FARS2: variants seen among roughly 807,000 people sequenced by gnomAD.
FARS2 encodes the protein phenylalanine--tRNA ligase, mitochondrial.
A neutral mutation model predicts 46.4 loss-of-function variants in FARS2; 40 were observed. The ratio of observed to expected loss-of-function variants is 0.86; its 90% CI spans 0.67 to 1.12. The LOEUF (loss-of-function observed/expected upper bound fraction) is 1.12. Ranked by LOEUF, FARS2 falls within the 50% of genes most tolerant of loss-of-function variation. The pLI is 0.00. For synonymous variants in FARS2, 234 were observed against 214.9 expected (o/e 1.09, Z -0.78); for missense variants, 513 against 567.9 (o/e 0.90, Z 0.98).
intron 6 of FARS2, among the ~76,000 whole-genome samples, chr6:5,614,575 A>G (rs1194408162): frequency 1.3e-5 from 2 of 151,974 alleles, no homozygotes; most frequent in African/African-American, 2.4e-5. Context: ...GCCCCCGGCT[A>G]ATTTTTTTGT....
chr6:5,391,820 A>T (rs764853857), intron 2 of FARS2, among the ~76,000 whole-genome samples: 2 of 152,190 alleles, frequency 1.3e-5, no homozygotes, highest in African/African-American at 4.8e-5. Flanking sequence ...TGGCTTTTGC[A>T]ATCTACTTTT....
At chr6:5,300,443 G>A (rs1768217869) in intron 1 of FARS2, among the ~76,000 whole-genome samples, 1 of 152,126 alleles carries the variant, frequency 6.6e-6, no homozygotes, top group Non-Finnish European at 1.5e-5. Context: ...TCAAAGAGAA[G>A]CACATTTGGG....
chr6:5,723,192 G>A (rs955495769), intron 6 of FARS2, among the ~76,000 whole-genome samples: 12 of 152,272 alleles, frequency 7.9e-5, no homozygotes, highest in African/African-American at 2.9e-4. Context: ...CGAGTGTGTC[G>A]GGAGCCGTGG....
chr6:5,290,779 G>A (rs186035845), intron 1 of FARS2, among the ~76,000 whole-genome samples: 20 of 152,318 alleles, frequency 1.3e-4, no homozygotes, highest in Non-Finnish European at 2.6e-4. Context: ...GGAGTGCAGT[G>A]GCACAATCAT....
intron 6 of FARS2, among the ~76,000 whole-genome samples, chr6:5,672,539 A>C (rs1778531834): frequency 6.6e-6 from 1 of 152,206 alleles, no homozygotes; most frequent in African/African-American, 2.4e-5. Flanking sequence ...TGGGTTACAT[A>C]ACTTCAGGGG....
intron 4 of FARS2, among the ~76,000 whole-genome samples, chr6:5,540,955 G>A (rs1444942225): frequency 6.6e-6 from 1 of 152,158 alleles, no homozygotes; most frequent in Non-Finnish European, 1.5e-5. Context: ...GGTGGGCCCA[G>A]CACCAGGTGT....
chr6:5,274,017 T>C (rs1766153364), intron 1 of FARS2, among the ~76,000 whole-genome samples: 1 of 152,238 alleles, frequency 6.6e-6, no homozygotes, highest in Non-Finnish European at 1.5e-5. Context: ...CTCTACCTAA[T>C]TTATAAATTA....
At chr6:5,369,367 T>G (rs1340836408) in intron 2 of FARS2, among the ~76,000 whole-genome samples, 185 bp downstream of exon 2, 1 of 152,134 alleles carries the variant, frequency 6.6e-6, no homozygotes, top group Non-Finnish European at 1.5e-5. Flanking sequence ...ACCGCTTTGT[T>G]GTGTTAGTAA....
intron 6 of FARS2, among the ~76,000 whole-genome samples, chr6:5,623,708 T>G (rs1775888000): frequency 7.4e-6 from 1 of 134,482 alleles, no homozygotes; most frequent in African/African-American, 3.0e-5. Flanking sequence ...CGAGACTGTG[T>G]CTCAAAAAAA....
rs947488476 is a variant in FARS2, at chr6:5,311,708, A to T, written c.-22+50048A>T. On this transcript the variant is annotated intron_variant, in intron 1 of 6. Coordinates refer to ENST00000274680, the MANE Select transcript of FARS2 (RefSeq NM_006567.5). This position sits in a 1 kb window ranked among gnomAD's most constrained non-coding sequence, Gnocchi z 4.1. ...GACCTGGGTGTCTTATTTAGCTAAG[A>T]CTAGGACCATGTGCTCTTTTTTTTG... Among the ~76,000 whole-genome samples, 2 of 152,158 alleles carry T rather than the reference A, an allele frequency of 1.3e-5. No homozygotes were observed. Among genetic ancestry groups the T allele is most frequent in the African/African-American group, 4.8e-5 (2 of 41,436 alleles).
Position 5,613,200 on chromosome 6 carries a change from A to G in FARS2, c.1097A>G (p.Asp366Gly). Residue 366 changes from aspartate to glycine, a missense_variant, in exon 6 of 7, where the codon GAT becomes GGT. Transcript: ENST00000274680. ...PLSKYPAVINDISFWLPSENY... is the reference protein window; with the variant it reads ...PLSKYPAVINGISFWLPSENY... ...AGCAAATATCCGGCTGTGATCAATG[A>G]TATTTCATTCTGGTTGCCCTCTGAG... 3.1e-6 allele frequency: 5 copies of G among 1,613,400 alleles called. No individual in the cohort carries two copies. Among genetic ancestry groups the G allele is most frequent in the Non-Finnish European group, 2.5e-6 (3 of 1,179,668 alleles).
intron 2 of FARS2, among the ~76,000 whole-genome samples, chr6:5,386,835 C>T (rs1760164386): frequency 6.6e-6 from 1 of 152,072 alleles, no homozygotes; most frequent in Non-Finnish European, 1.5e-5. Context: ...GCCCCCTTGG[C>T]AGGTGCATCT....
At chr6:5,752,334 G>A (rs1387999819) in intron 6 of FARS2, among the ~76,000 whole-genome samples, 4 of 152,302 alleles carry the variant, frequency 2.6e-5, no homozygotes, top group Admixed American at 1.3e-4. Flanking sequence ...AATCCACAAT[G>A]TGTCTTTGCA....
At chr6:5,754,162 C>G (rs1762090286) in intron 6 of FARS2, among the ~76,000 whole-genome samples, 1 of 152,212 alleles carries the variant, frequency 6.6e-6, no homozygotes, top group Non-Finnish European at 1.5e-5. Context: ...ATCTATCTGA[C>G]TTAAAGGTGA....
intron 6 of FARS2, among the ~76,000 whole-genome samples, chr6:5,693,430 G>A (rs1249671399): frequency 6.6e-6 from 1 of 152,220 alleles, no homozygotes; most frequent in Admixed American, 6.5e-5. Context: ...CCAAAGCGTG[G>A]CTGCTGAGCA....
intron 1 of FARS2, among the ~76,000 whole-genome samples, chr6:5,362,207 A>G (rs1270004397): frequency 6.6e-6 from 1 of 152,174 alleles, no homozygotes; most frequent in Non-Finnish European, 1.5e-5. Flanking sequence ...AAATAATAAT[A>G]ATAATGATAA....
intron 6 of FARS2, among the ~76,000 whole-genome samples, chr6:5,729,565 G>GT (rs1760491739): frequency 1.3e-5 from 2 of 152,184 alleles, no homozygotes; most frequent in Non-Finnish European, 2.9e-5. Context: ...TATGCTCATT[G>GT]TATTTTTCTC....
chr6:5,365,317 CTTTTTTTTTTTTTTT>C (rs61097603), intron 1 of FARS2, among the ~76,000 whole-genome samples: 4 of 42,492 alleles, frequency 9.4e-5, no homozygotes, highest in Non-Finnish European at 1.3e-4. Flanking sequence ...AGTATACTTT[CTTTTTTTTTTTTTTT>C]TTTTTTTTTT....
intron 4 of FARS2, among the ~76,000 whole-genome samples, chr6:5,432,105 G>A (rs1763203449): frequency 6.7e-6 from 1 of 149,944 alleles, no homozygotes; most frequent in Admixed American, 6.7e-5. Flanking sequence ...ATCACCTGGG[G>A]TCAGAAGTTT....
Sources: gnomAD v4.1 joint callset for allele counts (sites outside exome capture counted in the v4.1 genomes callset) on GRCh38, gnomAD v4.1.1 for gene constraint, Gnocchi (gnomAD v3.1) non-coding constraint, MANE v1.5 for transcripts, NCBI Gene and HGNC (gene_info 2026-07-23, HGNC 2026-07-21) for gene names.